The following CDH11 variants were observed in gnomAD, a reference collection of about 807,000 sequenced individuals.
The protein encoded by CDH11 is cadherin-11.
CDH11 carries 11 observed loss-of-function variants against 67.8 expected under a neutral mutation model. The observed-to-expected ratio is 0.16, with a 90% confidence interval of 0.10 to 0.27. The LOEUF is 0.27. Among genes scored for constraint, CDH11 ranks in the 10% least tolerant of loss-of-function variants. The pLI, the probability that CDH11 is intolerant of heterozygous loss-of-function variation, is 1.00. For missense variants in CDH11, 847 were observed against 1,031.2 expected (o/e 0.82, Z 2.45); for synonymous variants, 419 against 400.0 (o/e 1.05, Z -0.57).
At position 65,121,956 on chromosome 16, in the gene CDH11, GGCCCCAGTCC is replaced by G; in HGVS notation, c.-384_-375del. On this transcript the variant is annotated 5_prime_UTR_variant, in exon 1 of 13. The change creates a premature stop within an existing upstream ORF in the 5' untranslated region. Transcript: ENST00000268603. The surrounding 1 kb of genome is among the most constrained non-coding windows in gnomAD (Gnocchi z 4.1). ...GGGCAAGCGCTGCGGTGTCAGTCCCGGCCCCAGTCCCGGTCCCATTCACAAGTCAGCGGCG... is the reference window on the plus strand; with the variant it reads ...GGGCAAGCGCTGCGGTGTCAGTCCCGCGGTCCCATTCACAAGTCAGCGGCG... The G allele has an allele frequency of 2.8e-6, 2 of 701,784 alleles. No individual in the cohort carries two copies. Among genetic ancestry groups the G allele is most frequent in the Non-Finnish European group, 5.2e-6 (2 of 384,552 alleles). 43.5% of individuals were successfully genotyped at this position (701,784 alleles called of 1,614,324 possible).
chr16:65,012,434 T>C (rs1331342190), intron 2 of CDH11, among the ~76,000 whole-genome samples: 1 of 152,112 alleles, frequency 6.6e-6, no homozygotes, highest in East Asian at 1.9e-4. Flanking sequence ...CTGCAGTGAG[T>C]GAGGGAACTA....
chr16:64,996,942 A>T (rs2142506498), intron 4 of CDH11, among the ~76,000 whole-genome samples: 1 of 152,250 alleles, frequency 6.6e-6, no homozygotes, highest in African/African-American at 2.4e-5. Context: ...TACCTGAGTG[A>T]TGGGGTCATT....
At chr16:65,031,177 A>G (rs996303010) in intron 2 of CDH11, among the ~76,000 whole-genome samples, 15 of 152,228 alleles carry the variant, frequency 9.9e-5, no homozygotes, top group South Asian at 4.1e-4. Context: ...TTCAGAATGC[A>G]GCACTCACAG....
intron 2 of CDH11, among the ~76,000 whole-genome samples, chr16:65,017,744 C>T (rs911218964): frequency 1.3e-5 from 2 of 152,028 alleles, no homozygotes; most frequent in Non-Finnish European, 2.9e-5. Context: ...TGTATGTTAC[C>T]TATTCTTCTT....
intron 2 of CDH11, among the ~76,000 whole-genome samples, chr16:65,037,873 A>C (rs1263571484): frequency 2.0e-5 from 3 of 152,150 alleles, no homozygotes; most frequent in Non-Finnish European, 4.4e-5. Flanking sequence ...AGGTAGATAA[A>C]AGATGAGAAG....
chr16:65,021,872 C>A (rs1418648089), intron 2 of CDH11, among the ~76,000 whole-genome samples: 1 of 59,222 alleles, frequency 1.7e-5, no homozygotes, highest in African/African-American at 5.0e-5. Flanking sequence ...CCTAAAGTAA[C>A]TCAGAAAAAA....
At chr16:65,122,143 GGCGGGA>G, upstream of CDH11, 1 of 510,756 alleles carries the variant, frequency 2.0e-6, no homozygotes. Context: ...GGGCGGGGGG[GGCGGGA>G]GGAGGGAGGC....
chr16:65,056,550 A>C (rs1597141629), intron 1 of CDH11, among the ~76,000 whole-genome samples: 1 of 152,344 alleles, frequency 6.6e-6, no homozygotes, highest in South Asian at 2.1e-4. Context: ...GGGGTGGAAA[A>C]GATATTTGCC....
At chr16:65,086,868 A>G (rs1318010536) in intron 1 of CDH11, among the ~76,000 whole-genome samples, 1 of 152,226 alleles carries the variant, frequency 6.6e-6, no homozygotes, top group East Asian at 1.9e-4. Flanking sequence ...GGTATGGTAT[A>G]GAGATTGGAC....
chr16:65,052,724 T>C (rs150477914), intron 2 of CDH11, among the ~76,000 whole-genome samples: 1 of 152,164 alleles, frequency 6.6e-6, no homozygotes, highest in Non-Finnish European at 1.5e-5. Flanking sequence ...ATGGATCACG[T>C]TGGAGCTGAT....
At chr16:64,973,680 A>C (rs930742142) in intron 8 of CDH11, among the ~76,000 whole-genome samples, 8 of 152,034 alleles carry the variant, frequency 5.3e-5, no homozygotes, top group African/African-American at 1.9e-4. Context: ...GGTGGCACAC[A>C]CCTATAATCC....
intron 11 of CDH11, among the ~76,000 whole-genome samples, chr16:64,957,277 G>T (rs889526629): frequency 6.6e-6 from 1 of 152,060 alleles, no homozygotes; most frequent in African/African-American, 2.4e-5. Flanking sequence ...TATGAAAAAG[G>T]CCACAGGGCA....
intron 2 of CDH11, among the ~76,000 whole-genome samples, chr16:65,040,082 T>G (rs2073836419): frequency 6.6e-6 from 1 of 152,124 alleles, no homozygotes; most frequent in African/African-American, 2.4e-5. Context: ...TGTGGAGAAA[T>G]AGGAACACTT....
At chr16:64,983,038 T>C (rs2072394330) in intron 7 of CDH11, 1 of 152,210 alleles carries the variant, frequency 6.6e-6, no homozygotes, top group South Asian at 2.1e-4. Context: ...TAGAATGTAA[T>C]GGCATCGTTT....
chr16:64,960,373 T>C (rs1243240038), intron 11 of CDH11, among the ~76,000 whole-genome samples: 16 of 152,214 alleles, frequency 1.1e-4, no homozygotes, highest in East Asian at 1.9e-4. Context: ...TTTTAATTTA[T>C]GCATTTAGTC....
At chr16:64,982,812 T>G (rs1274839370) in intron 7 of CDH11, 1 of 154,458 alleles carries the variant, frequency 6.5e-6, no homozygotes, top group Non-Finnish European at 1.4e-5. Context: ...TCCCAATGTC[T>G]GGGACTCTTA....
chr16:64,948,143 A>G (rs762992499), intron 12 of CDH11, 44 bp from the exon 13 acceptor site: 2 of 1,572,674 alleles, frequency 1.3e-6, no homozygotes, highest in Admixed American at 1.8e-5. Flanking sequence ...TAAGTCCAGT[A>G]TTCCTGGGTT....
At chr16:65,062,310 G>C (rs1434017127) in intron 1 of CDH11, among the ~76,000 whole-genome samples, 1 of 152,168 alleles carries the variant, frequency 6.6e-6, no homozygotes, top group Non-Finnish European at 1.5e-5. Flanking sequence ...CCGCTTATTT[G>C]CAAGTTTCTG....
chr16:65,096,197 G>A (rs922121113), intron 1 of CDH11, among the ~76,000 whole-genome samples: 18 of 152,174 alleles, frequency 1.2e-4, no homozygotes, highest in African/African-American at 3.4e-4. Context: ...AATACTTCCA[G>A]TGAAGTATTA....
Sources: gnomAD v4.1 joint callset for allele counts (sites outside exome capture counted in the v4.1 genomes callset) on GRCh38, gnomAD v4.1.1 for gene constraint, Gnocchi (gnomAD v3.1) non-coding constraint, MANE v1.5 for transcripts, NCBI Gene and HGNC (gene_info 2026-07-23, HGNC 2026-07-21) for gene names.